Variants in BAIAP2 observed in about 807,000 individuals in gnomAD.
BAIAP2 encodes BAR/IMD domain-containing adapter protein 2.
In BAIAP2, 18 loss-of-function variants were observed where a neutral mutation model predicts 63.0. That is an observed-to-expected ratio of 0.29 (90% CI 0.20 to 0.42). BAIAP2 has a LOEUF of 0.42. BAIAP2 is among the 10% of genes least tolerant of loss of function. BAIAP2 has a pLI of 1.00. For synonymous variants in BAIAP2, 386 were observed against 307.6 expected (o/e 1.25, Z -2.67); for missense variants, 610 against 734.3 (o/e 0.83, Z 1.96).
At position 81,115,947 on chromosome 17, in the gene BAIAP2, C is replaced by A; in HGVS notation, c.*108C>A. ...TGTGTAGAGAACATCCAGGCCCCGG[C>A]TGCCTGGTCTTGCCCCACTTGAGTC... On this transcript the variant is annotated 3_prime_UTR_variant, in exon 14 of 14. Transcript: ENST00000428708. The A allele has an allele frequency of 6.5e-7, 1 of 1,537,330 alleles. No individual in the cohort carries two copies.
intron 13 of BAIAP2, chr17:81,109,284 G>T: frequency 7.9e-7 from 1 of 1,265,968 alleles, no homozygotes; most frequent in Non-Finnish European, 9.9e-7. Context: ...GGGCACCCTC[G>T]GCCTCACCCT....
chr17:81,058,097 A>C, intron 3 of BAIAP2, 130 bp downstream of exon 3: 2 of 742,738 alleles, frequency 2.7e-6, no homozygotes, highest in Non-Finnish European at 4.2e-6. Flanking sequence ...AAATATTTTA[A>C]TGACAGTCAC....
intron 3 of BAIAP2, among the ~76,000 whole-genome samples, chr17:81,077,731 C>T (rs919687803): frequency 6.6e-6 from 1 of 151,550 alleles, no homozygotes; most frequent in Non-Finnish European, 1.5e-5. Context: ...GTCTCAGGTG[C>T]GAGCCAGACA....
At chr17:81,049,775 A>G (rs2048376960) in intron 1 of BAIAP2, among the ~76,000 whole-genome samples, 1 of 152,194 alleles carries the variant, frequency 6.6e-6, no homozygotes, top group Admixed American at 6.5e-5. Context: ...CAGGCACTGC[A>G]AAGTGCCTGT....
At chr17:81,047,823 C>T (rs1303192487) in intron 1 of BAIAP2, among the ~76,000 whole-genome samples, 2 of 152,212 alleles carry the variant, frequency 1.3e-5, no homozygotes, top group Non-Finnish European at 2.9e-5. Context: ...CCACATGCAT[C>T]TAGCACACTC....
chr17:81,072,098 G>A (rs2052787723), intron 3 of BAIAP2, among the ~76,000 whole-genome samples: 1 of 152,198 alleles, frequency 6.6e-6, no homozygotes, highest in Non-Finnish European at 1.5e-5. Context: ...GGTTCCCTGC[G>A]GGCTGTGGGT....
chr17:81,071,961 C>T (rs796311807), intron 3 of BAIAP2, among the ~76,000 whole-genome samples: 1 of 152,370 alleles, frequency 6.6e-6, no homozygotes, highest in Middle Eastern at 3.4e-3. Flanking sequence ...GCTGCCTCTC[C>T]TCTCGTCCGT....
At chr17:81,091,244 G>C (rs540217276) in intron 6 of BAIAP2, among the ~76,000 whole-genome samples, 2 of 139,354 alleles carry the variant, frequency 1.4e-5, no homozygotes, top group South Asian at 4.6e-4. Flanking sequence ...CTCCTGGCTT[G>C]CCTCGCGGGG....
chr17:81,108,593 G>T, intron 13 of BAIAP2, 84 bp downstream of exon 13: 1 of 1,544,402 alleles, frequency 6.5e-7, no homozygotes, highest in Non-Finnish European at 8.9e-7. Context: ...CTAGGACCTG[G>T]GGCCACCTCT....
intron 3 of BAIAP2, among the ~76,000 whole-genome samples, chr17:81,080,063 G>A (rs1421012739): frequency 6.6e-6 from 1 of 152,198 alleles, no homozygotes; most frequent in East Asian, 1.9e-4. Flanking sequence ...ACAGGCAACC[G>A]CGGACAAGAC....
intron 1 of BAIAP2, 139 bp from the exon 2 acceptor site, chr17:81,053,529 G>T: frequency 2.3e-6 from 2 of 855,342 alleles, no homozygotes; most frequent in Non-Finnish European, 1.9e-6. Flanking sequence ...TTTGAACTTG[G>T]GAAGCCCACC....
intron 1 of BAIAP2, among the ~76,000 whole-genome samples, chr17:81,048,106 C>T (rs532242576): frequency 6.6e-5 from 10 of 152,154 alleles, no homozygotes; most frequent in South Asian, 2.1e-4. Flanking sequence ...AATTCCTGGC[C>T]GGGAGCAGTG....
intron 1 of BAIAP2, among the ~76,000 whole-genome samples, chr17:81,038,186 G>C (rs900196080): frequency 3.3e-5 from 5 of 152,246 alleles, no homozygotes; most frequent in African/African-American, 1.2e-4. Context: ...GCTGGAATCT[G>C]CCTCCCCCGG....
chr17:81,060,832 C>T (rs2050419039), intron 3 of BAIAP2, among the ~76,000 whole-genome samples: 1 of 152,146 alleles, frequency 6.6e-6, no homozygotes, highest in South Asian at 2.1e-4. Flanking sequence ...CCTCCTCTAC[C>T]TCCAACAGGG....
intron 3 of BAIAP2, among the ~76,000 whole-genome samples, chr17:81,060,007 G>A (rs1420172647): frequency 6.6e-6 from 1 of 152,170 alleles, no homozygotes; most frequent in Non-Finnish European, 1.5e-5. Flanking sequence ...CAGAAGAGAG[G>A]GAGACGTGAG....
rs192521484 is a variant in BAIAP2, at chr17:81,047,155, A to C, written c.55-6513A>C. On this transcript the variant is annotated intron_variant, in intron 1 of 13. Transcript: ENST00000428708. ...TCGAGTCACCCTTTTTCCTGATATT[A>C]CTGGAATGTGGCCTTTGGGAGCATG... is the stretch of plus-strand genomic sequence containing the variant. 2.6e-5 allele frequency among the ~76,000 whole-genome samples: 4 copies of C among 152,102 alleles called. No individual in the cohort carries two copies. The East Asian group carries it at 7.7e-4, about 29-fold the overall frequency.
In BAIAP2 at chr17:81,116,559, A is replaced by G; in HGVS notation, c.*720A>G. Reference sequence around the variant, plus strand: ...GGCCAAAGGCCAGCTGTCAGGTGCTATGCGGGGTCACCAGCAGAGTGCCCG... The same window carrying G: ...GGCCAAAGGCCAGCTGTCAGGTGCTGTGCGGGGTCACCAGCAGAGTGCCCG... On this transcript the variant is annotated 3_prime_UTR_variant, in exon 14 of 14. Transcript: ENST00000428708. 3 of 544,064 alleles carry G rather than the reference A, an allele frequency of 5.5e-6. No homozygotes were observed. The highest frequency in any genetic ancestry group is 6.6e-6 in the Non-Finnish European group (2 of 304,056). 33.7% of individuals were successfully genotyped at this position (544,064 alleles called of 1,614,324 possible). A position where few individuals can be genotyped will look rare whatever the true frequency, so the allele number is the denominator to read the frequency against.
intron 2 of BAIAP2, among the ~76,000 whole-genome samples, chr17:81,055,756 G>A (rs565343520): frequency 8.6e-5 from 13 of 151,724 alleles, no homozygotes; most frequent in South Asian, 2.1e-4. Context: ...TAGTAGAGAC[G>A]GGGTTTCACT....
Position 81,105,877 on chromosome 17 carries a change from C to T in BAIAP2, c.1269-201C>T, listed in dbSNP as rs546191720. On this transcript the variant is annotated intron_variant, in intron 10 of 13. Transcript: ENST00000428708. ...AGCTCCCACCAGGTTGAGGACAGCCCGGGCCACCTTGCCCTTGAGGCTGAG... is the reference window on the plus strand; with the variant it reads ...AGCTCCCACCAGGTTGAGGACAGCCTGGGCCACCTTGCCCTTGAGGCTGAG... 5.8e-4 allele frequency: 315 copies of T among 543,794 alleles called. 1 individual carries two copies. The highest frequency in any genetic ancestry group is 5.0e-4 in the Middle Eastern group (1 of 1,990). The allele number at this position is 543,794 out of a possible 1,614,324, so 33.7% of individuals were successfully genotyped here.
Sources: gnomAD v4.1 joint callset for allele counts (sites outside exome capture counted in the v4.1 genomes callset) on GRCh38, gnomAD v4.1.1 for gene constraint, MANE v1.5 for transcripts, NCBI Gene and HGNC (gene_info 2026-07-23, HGNC 2026-07-21) for gene names.